IMPG2: variants seen among roughly 807,000 people sequenced by gnomAD.
IMPG2 encodes the protein IPM 200.
In IMPG2, 91 loss-of-function variants were observed where a neutral mutation model predicts 129.2. That is an observed-to-expected ratio of 0.70 (90% confidence interval 0.59 to 0.84). The LOEUF is 0.84. IMPG2 is among the 40% of genes least tolerant of loss of function. The pLI, the probability that IMPG2 is intolerant of heterozygous loss-of-function variation, is 0.00. For synonymous variants in IMPG2, 510 were observed against 517.7 expected, an observed-to-expected ratio of 0.99 and a Z score of 0.20; for missense variants, 1,430 against 1,461.7, an observed-to-expected ratio of 0.98 and a Z score of 0.35.
At chr3:101,261,238 T>C (rs535030201) in intron 9 of IMPG2, among the ~76,000 whole-genome samples, 2 of 152,156 alleles carry the variant, frequency 1.3e-5, no homozygotes, top group Admixed American at 1.3e-4. Context: ...AACTTACTTC[T>C]AGTGTAAACA....
At chr3:101,234,267 T>C (rs1379819999) in intron 14 of IMPG2, among the ~76,000 whole-genome samples, 1 of 151,086 alleles carries the variant, frequency 6.6e-6, no homozygotes, top group African/African-American at 2.4e-5. Context: ...AACAAGGCTA[T>C]CTGGAGACAA....
chr3:101,272,089 T>C (rs1357760569), intron 7 of IMPG2, among the ~76,000 whole-genome samples: 2 of 111,506 alleles, frequency 1.8e-5, no homozygotes, highest in East Asian at 2.8e-4. Flanking sequence ...CTTCTTATCC[T>C]TTTACACACG....
In IMPG2 at chr3:101,257,714, C is replaced by T. The variant is rs765153857; in HGVS notation, c.968G>A (p.Trp323Ter). Residue 323 changes from tryptophan (W) to a stop codon, truncating the protein, a stop_gained, in exon 10 of 19, where the codon TGG becomes TAG. Coordinates refer to ENST00000193391, the MANE Select transcript of IMPG2 (RefSeq NM_016247.4). LOFTEE classifies it high-confidence loss of function. ...GTTGGAGTGAAGGCTAATGAGGTCC[C>T]AGGTGGTATTGCTGATGGCCTCACC... ...FNGEAISNTT[W>*]DLISLHSNKV... is the part of the protein sequence containing the mutation. 2 of 1,613,208 alleles carry T rather than the reference C, an allele frequency of 1.2e-6. No homozygotes were observed. The highest frequency in any genetic ancestry group is 1.7e-6 in the Non-Finnish European group (2 of 1,179,378).
chr3:101,301,758 G>C (rs1707141678), intron 3 of IMPG2, among the ~76,000 whole-genome samples: 1 of 152,104 alleles, frequency 6.6e-6, no homozygotes, highest in Non-Finnish European at 1.5e-5. Flanking sequence ...TCATGGTCTG[G>C]TTGGTATCTT....
At chr3:101,245,772 G>A (rs751479753) in intron 12 of IMPG2, 30 bp downstream of exon 12, 36 of 1,594,312 alleles carry the variant, frequency 2.3e-5, no homozygotes, top group Non-Finnish European at 1.1e-5. Context: ...GATACAATAA[G>A]AAGTACGAAA....
intron 18 of IMPG2, among the ~76,000 whole-genome samples, chr3:101,228,475 G>A (rs560356651): frequency 6.6e-5 from 10 of 152,282 alleles, no homozygotes; most frequent in African/African-American, 1.9e-4. Context: ...TAGTCCAGGC[G>A]TCTCTAGTCC....
At position 101,244,499 on chromosome 3, in the gene IMPG2, A is replaced by G; in HGVS notation, c.1832T>C (p.Leu611Pro). The G allele has an allele frequency of 1.9e-6, 3 of 1,611,102 alleles. No homozygotes were observed. Among genetic ancestry groups the G allele is most frequent in the Non-Finnish European group, 1.7e-6 (2 of 1,177,826 alleles). The change falls in exon 13 of 19, where the codon CTG (leucine) becomes CCG (proline). Residue 611 changes from leucine (L) to proline (P), a missense_variant. Leu to Pro is a moderately conservative substitution (Grantham distance 98). Coordinates refer to ENST00000193391, the MANE Select transcript of IMPG2 (RefSeq NM_016247.4). ...LGSGSGQKVD[L>P]ITWPWSETSS... Reference sequence around the variant, plus strand: ...AGTCTCACTCCATGGCCAAGTAATCAGATCTACCTTTTGCCCAGACCCTGA... The same window carrying G: ...AGTCTCACTCCATGGCCAAGTAATCGGATCTACCTTTTGCCCAGACCCTGA...
At chr3:101,271,227 T>G (rs750254730) in intron 7 of IMPG2, among the ~76,000 whole-genome samples, 3 of 152,212 alleles carry the variant, frequency 2.0e-5, no homozygotes, top group Non-Finnish European at 4.4e-5. Context: ...AGACAGTCCA[T>G]GCACAGGCCT....
chr3:101,267,631 T>G, intron 8 of IMPG2, 100 bp from the exon 9 acceptor site: 1 of 992,882 alleles, frequency 1.0e-6, no homozygotes. Flanking sequence ...CCTCTGAATT[T>G]CTTTGAAATG....
chr3:101,243,788 T>C lies in IMPG2; in HGVS notation c.2543A>G (p.Asp848Gly). 2 of 1,614,108 alleles carry C rather than the reference T, an allele frequency of 1.2e-6. No individual in the cohort carries two copies. The highest frequency in any genetic ancestry group is 1.7e-6 in the Non-Finnish European group (2 of 1,179,970). Reference sequence around the variant, plus strand: ...TTGGACTTGCTCAGGCTGATAGTAATCTGTGCCTATCCGGTCCAGTTCTAA... The same window carrying C: ...TTGGACTTGCTCAGGCTGATAGTAACCTGTGCCTATCCGGTCCAGTTCTAA... ...ISLELDRIGT[D>G]YYQPEQVQEQ... The change falls in exon 13 of 19, where the codon GAT becomes GGT. Residue 848 changes from aspartate to glycine, a missense_variant. Asp to Gly is a moderately conservative substitution (Grantham distance 94). Transcript: ENST00000193391.
At chr3:101,252,746 TA>T (rs2107228938) in intron 11 of IMPG2, among the ~76,000 whole-genome samples, 1 of 152,322 alleles carries the variant, frequency 6.6e-6, no homozygotes, top group Non-Finnish European at 1.5e-5. Context: ...TGAGTTGCTC[TA>T]TAACCTAGTA....
chr3:101,229,501 T>C lies in IMPG2; in HGVS notation c.3512A>G (p.Glu1171Gly). 6.2e-7 allele frequency: 1 copy of C among 1,613,822 alleles called. No homozygotes were observed. The highest frequency in any genetic ancestry group is 8.5e-7 in the Non-Finnish European group (1 of 1,180,014). Reference protein sequence around the residue: ...PVYESHRAGCEKYEGPYPQHP... With the variant: ...PVYESHRAGCGKYEGPYPQHP... ...CTGAGGATAGGGTCCCTCATACTTC[T>C]CACATCCAGCCCTGTGACTTTCATA... The change falls in exon 17 of 19, where the codon GAG (glutamate) becomes GGG (glycine). Residue 1171 changes from glutamate (E) to glycine (G), a missense_variant. Physicochemically the swap from Glu to Gly is moderately conservative, Grantham distance 98. Transcript: ENST00000193391.
chr3:101,309,470 A>C (rs955460513), intron 2 of IMPG2, among the ~76,000 whole-genome samples: 1 of 152,208 alleles, frequency 6.6e-6, no homozygotes, highest in Non-Finnish European at 1.5e-5. Flanking sequence ...GGGATAGAGA[A>C]GTGCTCTCTC....
At position 101,244,722 on chromosome 3, in the gene IMPG2, T is replaced by A. The variant is rs148472093; in HGVS notation, c.1609A>T (p.Thr537Ser). The A allele has an allele frequency of 1.9e-6, 3 of 1,613,900 alleles. No individual in the cohort carries two copies. In the Admixed American group the frequency reaches 5.0e-5, roughly 27 times the overall value. Reference protein sequence around the residue: ...SIDSLPSSSFTQPVPKETIPS... With the variant: ...SIDSLPSSSFSQPVPKETIPS... ...ATTGTTTCTTTTGGCACAGGTTGAG[T>A]GAATGAACTTGAAGGCAATGAATCA... Residue 537 changes from threonine (T) to serine (S), a missense_variant, in exon 13 of 19, where the codon ACT (threonine) becomes TCT (serine). Thr to Ser is a moderately conservative substitution (Grantham distance 58). Transcript: ENST00000193391.
intron 4 of IMPG2, among the ~76,000 whole-genome samples, chr3:101,288,190 C>A (rs1352559742): frequency 6.6e-6 from 1 of 152,152 alleles, no homozygotes; most frequent in African/African-American, 2.4e-5. Context: ...GAAATACCAT[C>A]TCACACCAGT....
intron 4 of IMPG2, among the ~76,000 whole-genome samples, chr3:101,287,412 A>G (rs1706959892): frequency 6.6e-6 from 1 of 152,202 alleles, no homozygotes; most frequent in South Asian, 2.1e-4. Flanking sequence ...TGTGGAACCA[A>G]AAAAGAGCCT....
intron 3 of IMPG2, among the ~76,000 whole-genome samples, chr3:101,299,396 T>G (rs1270281827): frequency 1.3e-5 from 2 of 152,230 alleles, no homozygotes; most frequent in Non-Finnish European, 2.9e-5. Flanking sequence ...CTTCTGTCAA[T>G]TCATCCATCT....
Position 101,224,121 on chromosome 3 carries a change from G to A in IMPG2, c.*2848C>T, listed in dbSNP as rs1055536423. ...GATCGCCCCATTGCACTCCAGCCTG[G>A]GTGACAGAGCGAGACTCCATCTCAA... is the stretch of plus-strand genomic sequence containing the variant. On this transcript the variant is annotated 3_prime_UTR_variant, in exon 19 of 19. Transcript: ENST00000193391. 6.6e-6 allele frequency: 1 copy of A among 152,144 alleles called. No individual in the cohort carries two copies. Among genetic ancestry groups the A allele is most frequent in the Non-Finnish European group, 1.5e-5 (1 of 68,072 alleles). 9.4% of individuals were successfully genotyped at this position (152,144 alleles called of 1,614,324 possible).
chr3:101,297,127 C>G (rs1707087768), intron 3 of IMPG2, among the ~76,000 whole-genome samples: 1 of 152,150 alleles, frequency 6.6e-6, no homozygotes, highest in Non-Finnish European at 1.5e-5. Context: ...CCGGGATGGT[C>G]TCGATCTCCT....
Sources: allele counts gnomAD v4.1 joint callset (sites outside exome capture counted in the v4.1 genomes callset), GRCh38; gene constraint gnomAD v4.1.1; transcripts MANE v1.5; gene names NCBI Gene and HGNC (gene_info 2026-07-23, HGNC 2026-07-21).